Variants in CEP112 observed in about 807,000 individuals in gnomAD.
The protein encoded by CEP112 is centrosomal protein of 112 kDa.
Under a neutral mutation model 153.0 loss-of-function variants are expected in CEP112, and 127 were observed. That is an observed-to-expected ratio of 0.83 (90% CI 0.72 to 0.96). The LOEUF (loss-of-function observed/expected upper bound fraction) is 0.96. CEP112 is among the 40% of genes least tolerant of loss of function. The pLI, the probability that CEP112 is intolerant of heterozygous loss-of-function variation, is 0.00. For missense variants in CEP112, 1,089 were observed against 1,101.2 expected (o/e 0.99, Z 0.16); for synonymous variants, 358 against 374.4 (o/e 0.96, Z 0.51).
intron 18 of CEP112, among the ~76,000 whole-genome samples, chr17:65,960,954 G>T (rs1486676570): frequency 6.6e-6 from 1 of 151,814 alleles, no homozygotes; most frequent in Non-Finnish European, 1.5e-5. Flanking sequence ...GGGTACCCAG[G>T]TGTTTGTAAT....
chr17:66,026,862 AT>A (rs575460338), intron 16 of CEP112, among the ~76,000 whole-genome samples: 30 of 152,160 alleles, frequency 2.0e-4, no homozygotes, highest in Admixed American at 6.5e-4. Context: ...CCTTTGTGTA[AT>A]TTTTTTTCCT....
intron 21 of CEP112, among the ~76,000 whole-genome samples, chr17:65,763,753 CGTAGCT>C (rs1433566649): frequency 6.6e-6 from 1 of 152,050 alleles, no homozygotes; most frequent in Non-Finnish European, 1.5e-5. Context: ...GCACATTAAT[CGTAGCT>C]GTTTTAAATT....
chr17:65,900,527 G>A (rs974384817), intron 20 of CEP112, among the ~76,000 whole-genome samples: 1 of 152,066 alleles, frequency 6.6e-6, no homozygotes, highest in Non-Finnish European at 1.5e-5. Flanking sequence ...AATCACAAAG[G>A]TTCCCTCTAA....
chr17:65,705,459 G>A (rs1002236501), intron 23 of CEP112, among the ~76,000 whole-genome samples: 1 of 152,240 alleles, frequency 6.6e-6, no homozygotes, highest in Admixed American at 6.5e-5. Flanking sequence ...AAGGTACAGA[G>A]TTGGGTAAGA....
Position 66,053,883 on chromosome 17 carries a change from C to T in CEP112, c.1075-4G>A. 1 of 1,608,636 alleles carries T rather than the reference C, an allele frequency of 6.2e-7. No individual in the cohort carries two copies. The highest frequency in any genetic ancestry group is 1.1e-5 in the South Asian group (1 of 90,032). On this transcript the variant is annotated splice_region_variant and splice_polypyrimidine_tract_variant and intron_variant, in intron 11 of 26. Coordinates refer to ENST00000535342, the MANE Select transcript of CEP112 (RefSeq NM_001199165.4). ...TTTCTGCTACAGCATTGTGAAGCTA[C>T]ATCAGGAAATCAAGAGTTGACTCTT...
chr17:65,949,099 A>C (rs2061735594), intron 18 of CEP112, among the ~76,000 whole-genome samples: 1 of 152,184 alleles, frequency 6.6e-6, no homozygotes, highest in African/African-American at 2.4e-5. Context: ...GAGTTATATC[A>C]GATTCACATT....
At chr17:66,064,686 C>T (rs191873489) in intron 10 of CEP112, among the ~76,000 whole-genome samples, 5 of 152,262 alleles carry the variant, frequency 3.3e-5, no homozygotes, top group Non-Finnish European at 4.4e-5. Flanking sequence ...TTACTTTACA[C>T]TTCCAAAATT....
At position 65,680,262 on chromosome 17, in the gene CEP112, G is replaced by A. The variant is rs193142829; in HGVS notation, c.2697+8867C>T. On this transcript the variant is annotated intron_variant, in intron 24 of 26. Coordinates refer to ENST00000535342, the MANE Select transcript of CEP112 (RefSeq NM_001199165.4). ...TCCTACCAGATGAAATGACCACCCC[G>A]GATGAAAATGATAAAAGAATATCTT... is the stretch of plus-strand genomic sequence containing the variant. 3.3e-5 allele frequency among the ~76,000 whole-genome samples: 5 copies of A among 152,184 alleles called. No homozygotes were observed. In the East Asian group the frequency reaches 9.7e-4, roughly 29 times the overall value.
intron 23 of CEP112, among the ~76,000 whole-genome samples, chr17:65,732,976 G>T (rs2050595199): frequency 1.3e-5 from 2 of 152,140 alleles, no homozygotes; most frequent in South Asian, 4.2e-4. Context: ...CTTTTCCTTT[G>T]CATTCACAAT....
intron 8 of CEP112, among the ~76,000 whole-genome samples, chr17:66,082,718 G>A (rs1194949321): frequency 6.6e-6 from 1 of 150,750 alleles, no homozygotes; most frequent in African/African-American, 2.4e-5. Context: ...AGCCAAGACT[G>A]CACCATCGTA....
chr17:65,713,882 C>A (rs967466554), intron 23 of CEP112, among the ~76,000 whole-genome samples: 1 of 152,154 alleles, frequency 6.6e-6, no homozygotes, highest in Non-Finnish European at 1.5e-5. Flanking sequence ...GTCACCACGC[C>A]CAGCCGTCGA....
At chr17:65,924,361 T>C (rs7226347) in intron 19 of CEP112, among the ~76,000 whole-genome samples, 5,756 of 152,204 alleles carry the variant, frequency 0.038, 325 homozygotes, top group African/African-American at 0.12. Context: ...GAACATGCAT[T>C]TTTTTGCACA....
chr17:65,931,520 A>T lies in CEP112; in HGVS notation c.1873-3831T>A, dbSNP rs190981731. On this transcript the variant is annotated intron_variant, in intron 18 of 26. Transcript: ENST00000535342. ...CCCACTTCTGCCTCGCCTTAAAAGG[A>T]ACATTGGGAGTATTAGCAGGGCTAG... Among the ~76,000 whole-genome samples the T allele has an allele frequency of 1.1e-3, 161 of 152,322 alleles. 1 individual carries two copies. Among genetic ancestry groups the T allele is most frequent in the African/African-American group, 3.8e-3 (159 of 41,572 alleles).
At chr17:65,925,847 C>T (rs866139145) in intron 19 of CEP112, among the ~76,000 whole-genome samples, 15 of 152,136 alleles carry the variant, frequency 9.9e-5, no homozygotes, top group Admixed American at 1.3e-4. Context: ...CTAAAAACGA[C>T]TCAAGATGAC....
chr17:66,104,126 G>T lies in CEP112; in HGVS notation c.643-7494C>A, dbSNP rs943910825. Among the ~76,000 whole-genome samples the T allele has an allele frequency of 5.9e-5, 9 of 152,168 alleles. 1 individual carries two copies. The highest frequency in any genetic ancestry group is 1.5e-5 in the Non-Finnish European group (1 of 68,038). ...GCTCAAAGCCAGTGGGCTTGGGGGTGCATGTGACATAGTGAGACACCAGCC... is the reference window on the plus strand; with the variant it reads ...GCTCAAAGCCAGTGGGCTTGGGGGTTCATGTGACATAGTGAGACACCAGCC... On this transcript the variant is annotated intron_variant, in intron 6 of 26. Transcript: ENST00000535342.
chr17:66,174,621 A>C (rs1021811260), intron 4 of CEP112, among the ~76,000 whole-genome samples: 1 of 151,890 alleles, frequency 6.6e-6, no homozygotes, highest in Non-Finnish European at 1.5e-5. Context: ...TTGGAAATTT[A>C]TTTTTATTTG....
chr17:65,911,828 T>A (rs2060295839), intron 19 of CEP112, among the ~76,000 whole-genome samples: 1 of 152,226 alleles, frequency 6.6e-6, no homozygotes, highest in Non-Finnish European at 1.5e-5. Flanking sequence ...ATCCTTCTAT[T>A]TATCAATCTC....
At chr17:66,152,322 G>A (rs1182628910) in intron 4 of CEP112, among the ~76,000 whole-genome samples, 1 of 152,186 alleles carries the variant, frequency 6.6e-6, no homozygotes, top group Admixed American at 6.5e-5. Flanking sequence ...ATCATCTTCA[G>A]TAACACAAAA....
intron 18 of CEP112, among the ~76,000 whole-genome samples, chr17:65,944,117 C>T (rs1016038561): frequency 2.6e-5 from 4 of 152,140 alleles, no homozygotes; most frequent in African/African-American, 9.7e-5. Flanking sequence ...AACAGAAAAC[C>T]AAACACTGCA....
Sources: allele counts gnomAD v4.1 joint callset (sites outside exome capture counted in the v4.1 genomes callset), GRCh38; gene constraint gnomAD v4.1.1; transcripts MANE v1.5; gene names NCBI Gene and HGNC (gene_info 2026-07-23, HGNC 2026-07-21).